The following TMPRSS15 variants were observed in gnomAD, a reference collection of about 807,000 sequenced individuals.
TMPRSS15 encodes the protein enteropeptidase.
TMPRSS15 carries 128 observed loss-of-function variants against 125.3 expected under a neutral mutation model. The observed-to-expected ratio is 1.02, with a 90% CI of 0.89 to 1.18. TMPRSS15 has a LOEUF of 1.18. TMPRSS15 is among the 50% of genes most tolerant of loss of function. The pLI is 0.00. For synonymous variants in TMPRSS15, 446 were observed against 423.2 expected, an observed-to-expected ratio of 1.05 and a Z score of -0.66; for missense variants, 1,283 against 1,212.7, an observed-to-expected ratio of 1.06 and a Z score of -0.86.
In TMPRSS15 at chr21:18,288,783, G is replaced by T. The variant is rs183621312; in HGVS notation, c.2486+5487C>A. ...GTCTCAAACTCCCGAGCTCAGGCCCGCCTCGGCCTCCCAAAGTGCTAGGAT... is the reference window on the plus strand; with the variant it reads ...GTCTCAAACTCCCGAGCTCAGGCCCTCCTCGGCCTCCCAAAGTGCTAGGAT... On this transcript the variant is annotated intron_variant, in intron 21 of 24. Transcript: ENST00000284885. Among the ~76,000 whole-genome samples the T allele has an allele frequency of 2.3e-3, 344 of 151,240 alleles. 2 individuals are homozygous for T. Among genetic ancestry groups the T allele is most frequent in the Non-Finnish European group, 4.2e-3 (282 of 67,792 alleles).
chr21:18,341,415 G>A lies in TMPRSS15; in HGVS notation c.1562C>T (p.Pro521Leu), dbSNP rs764728515. The change falls in exon 13 of 25, where the codon CCT becomes CTT. Residue 521 changes from proline (P) to leucine (L), a missense_variant and splice_region_variant. Coordinates refer to ENST00000284885, the MANE Select transcript of TMPRSS15 (RefSeq NM_002772.3). Reference protein sequence around the residue: ...TLVPTPPPELPTDCGGPFELW... With the variant: ...TLVPTPPPELLTDCGGPFELW... The stretch of plus-strand genomic sequence containing the variant: ...AAATACACATGAAGGTTACTTACTA[G>A]GAAGTTCTGGTGGAGGAGTTGGCAC... The A allele has an allele frequency of 1.1e-5, 17 of 1,613,962 alleles. No homozygotes were observed. The highest frequency in any genetic ancestry group is 1.4e-5 in the Non-Finnish European group (16 of 1,179,988).
chr21:18,476,903 CTCTT>C (rs1978888866), intron 1 of TMPRSS15, among the ~76,000 whole-genome samples: 1 of 147,334 alleles, frequency 6.8e-6, no homozygotes, highest in South Asian at 2.1e-4. Context: ...AATTCTCTCT[CTCTT>C]TTTTTTTTTA....
chr21:18,476,525 G>C (rs1978883470), intron 1 of TMPRSS15, among the ~76,000 whole-genome samples: 1 of 152,102 alleles, frequency 6.6e-6, no homozygotes, highest in Non-Finnish European at 1.5e-5. Flanking sequence ...TTTTGTGCTT[G>C]AAACAAACTA....
intron 1 of TMPRSS15, among the ~76,000 whole-genome samples, chr21:18,474,826 A>G (rs898717396): frequency 6.6e-6 from 1 of 152,202 alleles, no homozygotes; most frequent in Non-Finnish European, 1.5e-5. Flanking sequence ...CTGAGGCTAC[A>G]CAAACCTGTC....
At chr21:18,461,002 T>C (rs1433985119) in intron 1 of TMPRSS15, among the ~76,000 whole-genome samples, 1 of 152,218 alleles carries the variant, frequency 6.6e-6, no homozygotes. Context: ...ATAGAACTGA[T>C]GTTTATGGTT....
At chr21:18,313,681 T>G (rs1184111075) in intron 17 of TMPRSS15, among the ~76,000 whole-genome samples, 4 of 151,864 alleles carry the variant, frequency 2.6e-5, no homozygotes, top group African/African-American at 9.7e-5. Context: ...AAGGTCTAAT[T>G]TGAAAAATAT....
At chr21:18,343,754 T>A in intron 11 of TMPRSS15, 98 bp from the exon 12 acceptor site, 1 of 1,416,316 alleles carries the variant, frequency 7.1e-7, no homozygotes. Flanking sequence ...TGAAATAATC[T>A]TTTTTTCCTT....
At chr21:18,388,036 C>T (rs768940239) in intron 3 of TMPRSS15, among the ~76,000 whole-genome samples, 2 of 152,088 alleles carry the variant, frequency 1.3e-5, no homozygotes, top group Non-Finnish European at 2.9e-5. Context: ...CATTGTTACT[C>T]TCTCTCCTGC....
chr21:18,352,846 T>C, intron 10 of TMPRSS15, 57 bp downstream of exon 10: 2 of 1,576,624 alleles, frequency 1.3e-6, no homozygotes, highest in Non-Finnish European at 1.7e-6. Flanking sequence ...CACATACCTC[T>C]TTCCTTTTGA....
chr21:18,424,779 A>C (rs1442080671), intron 1 of TMPRSS15, among the ~76,000 whole-genome samples: 2 of 151,586 alleles, frequency 1.3e-5, no homozygotes, highest in African/African-American at 4.9e-5. Flanking sequence ...AGAGATTAGA[A>C]GAAAGCAAGA....
At chr21:18,477,224 T>G (rs981301052) in intron 1 of TMPRSS15, 1 of 152,106 alleles carries the variant, frequency 6.6e-6, no homozygotes, top group Admixed American at 6.6e-5. Context: ...ATTAACAAGC[T>G]CCTCAGAACA....
intron 3 of TMPRSS15, among the ~76,000 whole-genome samples, chr21:18,385,894 A>G (rs1485756357): frequency 6.6e-6 from 1 of 151,830 alleles, no homozygotes; most frequent in Non-Finnish European, 1.5e-5. Flanking sequence ...CAGGTGCCCG[A>G]CACCATGCCC....
intron 5 of TMPRSS15, among the ~76,000 whole-genome samples, chr21:18,373,541 A>C (rs67307948): frequency 0.43 from 64,928 of 151,994 alleles, 14,440 homozygotes; most frequent in East Asian, 0.79. Context: ...TTGAGTTATT[A>C]ATCCAGAAAA....
chr21:18,294,424 C>T lies in TMPRSS15; in HGVS notation c.2332G>A (p.Ala778Thr), dbSNP rs375370843. The T allele has an allele frequency of 1.8e-5, 29 of 1,614,240 alleles. No homozygotes were observed. Among genetic ancestry groups the T allele is most frequent in the Non-Finnish European group, 2.5e-5 (29 of 1,180,046 alleles). ...NHKSCGKKLA[A>T]QDITPKIVGG... ...ACAATCTTTGGGGTGATGTCTTGAG[C>T]TGCCAGTTTTTTTCCACAAGCTATT... Residue 778 changes from alanine to threonine, a missense_variant, in exon 21 of 25, where the codon GCT becomes ACT. Transcript: ENST00000284885.
chr21:18,413,316 C>CCTTCCTTCT (rs2076171720), intron 1 of TMPRSS15, among the ~76,000 whole-genome samples: 2 of 48,708 alleles, frequency 4.1e-5, no homozygotes, highest in Non-Finnish European at 7.6e-5. Context: ...CTTTCTTTTC[C>CCTTCCTTCT]TTCCTTCCTT....
rs1439562608 is a variant in TMPRSS15, at chr21:18,479,027, G to A, written c.10+6772C>T. On this transcript the variant is annotated intron_variant, in intron 1 of 7. Transcript: ENST00000422787. ...TTGGATATTTGCATTATACTTACTG[G>A]TTGAGCATCCCACATCTGAAAATCT... Among the ~76,000 whole-genome samples, 5 of 151,696 alleles carry A rather than the reference G, an allele frequency of 3.3e-5. No individual in the cohort carries two copies. The East Asian group carries it at 9.7e-4, about 29-fold the overall frequency.
intron 1 of TMPRSS15, among the ~76,000 whole-genome samples, chr21:18,417,246 G>A (rs1181967849): frequency 1.3e-5 from 2 of 152,032 alleles, no homozygotes; most frequent in Non-Finnish European, 2.9e-5. Flanking sequence ...GTTTTTACAA[G>A]TTGAATCAGA....
chr21:18,313,579 A>G (rs1164215532), intron 17 of TMPRSS15, among the ~76,000 whole-genome samples: 1 of 151,926 alleles, frequency 6.6e-6, no homozygotes, highest in African/African-American at 2.4e-5. Context: ...CTAAATTGAT[A>G]GGAGTAAATT....
intron 6 of TMPRSS15, among the ~76,000 whole-genome samples, chr21:18,369,168 C>T (rs1167307350): frequency 1.3e-5 from 2 of 152,080 alleles, no homozygotes; most frequent in Non-Finnish European, 2.9e-5. Context: ...AGAAATGTTG[C>T]CTGTAATAGG....
Sources: gnomAD v4.1 joint callset for allele counts (sites outside exome capture counted in the v4.1 genomes callset) on GRCh38, gnomAD v4.1.1 for gene constraint, MANE v1.5 for transcripts, NCBI Gene and HGNC (gene_info 2026-07-23, HGNC 2026-07-21) for gene names.